The following SLC19A1 variants were observed in gnomAD, a reference collection of about 807,000 sequenced individuals.
SLC19A1 encodes the protein reduced folate transporter.
SLC19A1 carries 37 observed loss-of-function variants against 35.3 expected under a neutral mutation model. The ratio of observed to expected loss-of-function variants is 1.05; its 90% CI spans 0.81 to 1.38. SLC19A1 has a LOEUF of 1.38. Ranked by LOEUF, SLC19A1 falls within the 40% of genes most tolerant of loss-of-function variation. SLC19A1 has a pLI of 0.00. For missense variants in SLC19A1, 831 were observed against 826.9 expected, an observed-to-expected ratio of 1.00 and a Z score of -0.06; for synonymous variants, 460 against 398.5, an observed-to-expected ratio of 1.15 and a Z score of -1.84.
intron 4 of SLC19A1, among the ~76,000 whole-genome samples, chr21:45,526,452 T>C (rs1375137926): frequency 6.6e-6 from 1 of 152,220 alleles, no homozygotes; most frequent in African/African-American, 2.4e-5. Context: ...AGTAATTTTG[T>C]GCATGAAGAA....
intron 3 of SLC19A1, chr21:45,503,786 T>C (rs1210874716): frequency 4.0e-6 from 1 of 248,080 alleles, no homozygotes; most frequent in Non-Finnish European, 7.4e-6. Flanking sequence ...TAAAGTATAA[T>C]AATAAATTTA....
chr21:45,503,140 C>T (rs540460240), intron 3 of SLC19A1, among the ~76,000 whole-genome samples: 6 of 152,288 alleles, frequency 3.9e-5, no homozygotes, highest in African/African-American at 9.6e-5. Flanking sequence ...CCTGAGGAAT[C>T]GCCACACTGA....
At chr21:45,503,951 A>C (rs1255631983) in intron 3 of SLC19A1, 7 of 1,602,512 alleles carry the variant, frequency 4.4e-6, no homozygotes, top group Non-Finnish European at 1.7e-6. Flanking sequence ...GGGGCTGCAG[A>C]GGGAACCCGG....
At chr21:45,538,369 G>A (rs1453242925) in intron 1 of SLC19A1, among the ~76,000 whole-genome samples, 2 of 152,248 alleles carry the variant, frequency 1.3e-5, no homozygotes, top group Admixed American at 1.3e-4. Flanking sequence ...TAGACTCATG[G>A]CACTGCTGGG....
chr21:45,509,189 C>A (rs553351641), downstream of SLC19A1, among the ~76,000 whole-genome samples: 3 of 152,062 alleles, frequency 2.0e-5, no homozygotes, highest in Admixed American at 2.0e-4. Flanking sequence ...GACTCCCCAC[C>A]CTTGCTGCTG....
Position 45,529,410 on chromosome 21 carries a change from G to A in SLC19A1, c.1151+1360C>T, listed in dbSNP as rs1449114561. On this transcript the variant is annotated intron_variant, in intron 4 of 5. Transcript: ENST00000311124. ...GGAGGGAGGGAGATAGGGCTCGGAG[G>A]CCACCCTGGAGGGGAAGCCCAGGAA... Among the ~76,000 whole-genome samples the A allele has an allele frequency of 5.9e-5, 9 of 152,316 alleles. No homozygotes were observed. The South Asian group carries it at 1.9e-3, about 32-fold the overall frequency.
rs1568968094 is a variant in SLC19A1 at position 45,515,765 on chromosome 21, C to T, written c.1669G>A (p.Glu557Lys). The T allele has an allele frequency of 6.2e-7, 1 of 1,613,824 alleles. No homozygotes were observed. The highest frequency in any genetic ancestry group is 8.5e-7 in the Non-Finnish European group (1 of 1,180,010). ...TLCSAQASGPEAADETCPQLA... is the reference protein window; with the variant it reads ...TLCSAQASGPKAADETCPQLA... ...TGGGGACAAGTCTCATCTGCAGCCT[C>T]AGGGCCTGAGGCTTGGGCGGAGCAC... The change falls in exon 6 of 6, where the codon GAG becomes AAG. Residue 557 changes from glutamate to lysine, a missense_variant. Coordinates refer to ENST00000311124, the MANE Select transcript of SLC19A1 (RefSeq NM_194255.4).
chr21:45,546,410 T>A (rs965480970), upstream of SLC19A1, among the ~76,000 whole-genome samples: 1 of 152,222 alleles, frequency 6.6e-6, no homozygotes, highest in Non-Finnish European at 1.5e-5. Context: ...TGGAAGGGTG[T>A]CCCACCTGGT....
rs79785371 is a variant in SLC19A1 at position 45,503,960 on chromosome 21, G to A, written c.498-5348C>T. 36,897 of 1,609,486 alleles carry A rather than the reference G, an allele frequency of 0.023. 546 individuals carry two copies. Among genetic ancestry groups the A allele is most frequent in the Middle Eastern group, 0.026 (160 of 6,054 alleles). On this transcript the variant is annotated intron_variant, in intron 3 of 4. Transcript: ENST00000417954. ...GTGCTGGGGGCTGCAGAGGGAACCC[G>A]GCGCTGTCAGACACCACCTCAGCGA... is the stretch of plus-strand genomic sequence containing the variant.
rs757838708 is a variant in SLC19A1 at position 45,531,701 on chromosome 21, TGAA to T, written c.634_636del (p.Phe212del). 9.9e-5 allele frequency: 160 copies of T among 1,612,604 alleles called. No individual in the cohort carries two copies. Among genetic ancestry groups the T allele is most frequent in the Non-Finnish European group, 1.1e-4 (129 of 1,179,746 alleles). On this transcript the variant is annotated inframe_deletion, in exon 3 of 6. Transcript: ENST00000311124. The stretch of plus-strand genomic sequence containing the variant: ...TCGCACCGCCCCCGGTCGTCGCGGT[TGAA>T]GAAGAGGCTGCGCTTGGGGCGCTTC...
At chr21:45,509,437 C>G, downstream of SLC19A1, 6 of 1,534,680 alleles carry the variant, frequency 3.9e-6, no homozygotes, top group Non-Finnish European at 5.3e-6. Flanking sequence ...GCACCCCCAC[C>G]CCACCGCGCG....
Position 45,504,242 on chromosome 21 carries a change from A to G in SLC19A1, c.498-5630T>C. 4 of 886,766 alleles carry G rather than the reference A, an allele frequency of 4.5e-6. No homozygotes were observed. The South Asian group carries it at 6.2e-5, about 14-fold the overall frequency. 54.9% of individuals were successfully genotyped at this position (886,766 alleles called of 1,614,324 possible). A position where few individuals can be genotyped will look rare whatever the true frequency, so the allele number is the denominator to read the frequency against. On this transcript the variant is annotated intron_variant, in intron 3 of 4. Transcript: ENST00000417954. ...CTGTCCCCGGCTCAGTTTTTGGGGG[A>G]CTCGGCTGATGCAGTGGGAGGTGGG...
downstream of SLC19A1, chr21:45,509,341 G>A (rs377715562): frequency 2.0e-3 from 3,072 of 1,543,552 alleles, 20 homozygotes; most frequent in Middle Eastern, 0.014. Context: ...CAGGCCCCAC[G>A]TCTCCCACCT....
downstream of SLC19A1, among the ~76,000 whole-genome samples, chr21:45,508,609 A>C (rs79939968): frequency 0.022 from 3,407 of 152,178 alleles, 134 homozygotes; most frequent in African/African-American, 0.078. Flanking sequence ...AGTAGAGGTC[A>C]TGATTCCTTA....
At chr21:45,520,601 C>G (rs2146244853) in intron 5 of SLC19A1, among the ~76,000 whole-genome samples, 1 of 152,328 alleles carries the variant, frequency 6.6e-6, no homozygotes, top group East Asian at 1.9e-4. Context: ...TCACCCAATT[C>G]ATATGTTGAA....
intron 5 of SLC19A1, among the ~76,000 whole-genome samples, chr21:45,523,042 T>C (rs1194836166): frequency 6.8e-6 from 1 of 146,994 alleles, no homozygotes; most frequent in Non-Finnish European, 1.5e-5. Flanking sequence ...ATTACCCAAA[T>C]ATAAAGCTTA....
At chr21:45,553,656 C>A (rs1380575813) in intron 1 of SLC19A1, among the ~76,000 whole-genome samples, 2 of 48,460 alleles carry the variant, frequency 4.1e-5, no homozygotes, top group East Asian at 6.2e-4. Flanking sequence ...TCCCCCCGCG[C>A]CCCCTTCCCA....
rs550877388 is a variant in SLC19A1 at position 45,560,645 on chromosome 21, C to T, written c.-50+2097G>A. ...GGCCGCACACGGCGGGGCAGGGGAG[C>T]GGAGGTTGGAGTTGGGAATGAGGAT... is the stretch of plus-strand genomic sequence containing the variant. On this transcript the variant is annotated intron_variant, in intron 1 of 5. Transcript: ENST00000650808. Among the ~76,000 whole-genome samples, 9 of 152,278 alleles carry T rather than the reference C, an allele frequency of 5.9e-5. No homozygotes were observed. In the East Asian group the frequency reaches 1.4e-3, roughly 23 times the overall value.
At chr21:45,541,127 G>A (rs1170285444) in intron 1 of SLC19A1, among the ~76,000 whole-genome samples, 1 of 152,174 alleles carries the variant, frequency 6.6e-6, no homozygotes. Context: ...CACTGCTGCA[G>A]GCCCAAACAC....
Sources: gnomAD v4.1 joint callset for allele counts (sites outside exome capture counted in the v4.1 genomes callset) on GRCh38, gnomAD v4.1.1 for gene constraint, MANE v1.5 for transcripts, NCBI Gene and HGNC (gene_info 2026-07-23, HGNC 2026-07-21) for gene names.